Variants in PCDH7 observed in about 807,000 individuals in gnomAD.
The protein encoded by PCDH7 is protocadherin-7.
PCDH7 carries 17 observed loss-of-function variants against 58.9 expected under a neutral mutation model. The ratio of observed to expected loss-of-function variants is 0.29; its 90% confidence interval spans 0.20 to 0.43. The LOEUF is 0.43. PCDH7 is among the 20% of genes least tolerant of loss of function. The pLI is 1.00. For missense variants in PCDH7, 1,274 were observed against 1,441.0 expected (o/e 0.88, Z 1.88); for synonymous variants, 664 against 616.4 (o/e 1.08, Z -1.14).
chr4:30,958,907 A>G (rs930448772), intron 3 of PCDH7, among the ~76,000 whole-genome samples: 3 of 152,140 alleles, frequency 2.0e-5, no homozygotes, highest in Admixed American at 2.0e-4. Context: ...TTTACTTAGT[A>G]GATAATACCA....
intron 3 of PCDH7, among the ~76,000 whole-genome samples, chr4:31,087,148 T>C (rs1483253334): frequency 6.6e-6 from 1 of 152,136 alleles, no homozygotes; most frequent in African/African-American, 2.4e-5. Flanking sequence ...ACGATGGTGG[T>C]AGTAAATAAA....
At chr4:31,015,730 C>T (rs1296222319) in intron 3 of PCDH7, among the ~76,000 whole-genome samples, 4 of 152,094 alleles carry the variant, frequency 2.6e-5, no homozygotes, top group Non-Finnish European at 4.4e-5. Flanking sequence ...AACTTTATAT[C>T]ATAAAGTCTC....
chr4:30,912,857 T>C (rs1274777925), intron 1 of PCDH7, among the ~76,000 whole-genome samples: 1 of 152,218 alleles, frequency 6.6e-6, no homozygotes, highest in Non-Finnish European at 1.5e-5. Flanking sequence ...ACTGTAACTA[T>C]TGTGTACAGG....
rs1257058262 is a variant in PCDH7 at position 30,822,175 on chromosome 4, G to A, written c.70+97579G>A. Among the ~76,000 whole-genome samples the A allele has an allele frequency of 1.4e-4, 22 of 152,188 alleles. No homozygotes were observed. The East Asian group carries it at 4.3e-3, about 29-fold the overall frequency. ...TCCTTGATAGTGAGGTCATGAGAGTGCCCTCCCATCCTAAGCAAATTCATT... is the reference window on the plus strand; with the variant it reads ...TCCTTGATAGTGAGGTCATGAGAGTACCCTCCCATCCTAAGCAAATTCATT... On this transcript the variant is annotated intron_variant, in intron 1 of 3. Transcript: ENST00000509759.
chr4:31,090,444 T>TA (rs1713086075), intron 3 of PCDH7, among the ~76,000 whole-genome samples: 1 of 152,052 alleles, frequency 6.6e-6, no homozygotes, highest in South Asian at 2.1e-4. Flanking sequence ...TTAGTTATTT[T>TA]AAAATGTTCA....
At chr4:30,839,385 T>C (rs1730925061) in intron 1 of PCDH7, among the ~76,000 whole-genome samples, 1 of 152,140 alleles carries the variant, frequency 6.6e-6, no homozygotes, top group South Asian at 2.1e-4. Context: ...ATATAGCTAT[T>C]GTGTGTAAGC....
chr4:31,082,524 G>T (rs1711627580), intron 3 of PCDH7, among the ~76,000 whole-genome samples: 1 of 152,144 alleles, frequency 6.6e-6, no homozygotes, highest in East Asian at 1.9e-4. Context: ...AGGACAGTTG[G>T]AAATACTGGT....
In PCDH7 at chr4:30,722,999, G is replaced by A; in HGVS notation, c.1577G>A (p.Gly526Glu). Residue 526 changes from glycine to glutamate, a missense_variant, in exon 1 of 2, where the codon GGA (glycine) becomes GAA (glutamate). Gly to Glu is a moderately conservative substitution (Grantham distance 98). Around this residue, in one of 3 missense-constraint regions of PCDH7, gnomAD observed 731 missense variants for 881.9 expected, o/e 0.83. Transcript: ENST00000361762. This position sits in a 1 kb window ranked among gnomAD's most constrained non-coding sequence, Gnocchi z 7.6. ...AACAACTCCCTGATTGTCAAGGTGG[G>A]AGACACCAACGACAACCCGCCCATG... 6.2e-7 allele frequency: 1 copy of A among 1,613,842 alleles called. No individual in the cohort carries two copies. The highest frequency in any genetic ancestry group is 8.5e-7 in the Non-Finnish European group (1 of 1,180,042).
intron 3 of PCDH7, among the ~76,000 whole-genome samples, chr4:30,966,938 A>T (rs890410152): frequency 6.6e-6 from 1 of 152,144 alleles, no homozygotes; most frequent in African/African-American, 2.4e-5. Context: ...AAATTAAGCA[A>T]TGCATCAACT....
chr4:30,768,528 C>T (rs1029721839), intron 1 of PCDH7, among the ~76,000 whole-genome samples: 5 of 152,126 alleles, frequency 3.3e-5, no homozygotes, highest in African/African-American at 1.2e-4. Flanking sequence ...TGAGATTAAC[C>T]CCCTGTGATT....
chr4:31,132,590 A>G (rs905256010), intron 3 of PCDH7, among the ~76,000 whole-genome samples: 2 of 152,144 alleles, frequency 1.3e-5, no homozygotes, highest in African/African-American at 4.8e-5. Context: ...ATAATTTGAG[A>G]CCATTAAAAT....
intron 3 of PCDH7, among the ~76,000 whole-genome samples, chr4:31,012,234 C>G (rs1198716942): frequency 6.6e-6 from 1 of 151,912 alleles, no homozygotes; most frequent in Non-Finnish European, 1.5e-5. Flanking sequence ...GTCAGTACAC[C>G]GAAACAAACC....
chr4:31,097,690 A>G (rs1192100322), intron 3 of PCDH7, among the ~76,000 whole-genome samples: 1 of 130,330 alleles, frequency 7.7e-6, no homozygotes, highest in Non-Finnish European at 1.6e-5. Context: ...TATCAATTTT[A>G]TGTTGTTGTT....
At chr4:31,089,311 G>T (rs893753939) in intron 3 of PCDH7, among the ~76,000 whole-genome samples, 8 of 151,988 alleles carry the variant, frequency 5.3e-5, no homozygotes, top group Non-Finnish European at 8.8e-5. Context: ...AAAAGAATTT[G>T]TAATAAATAC....
downstream of PCDH7, chr4:31,144,335 T>G (rs1418579041): frequency 6.6e-6 from 1 of 152,182 alleles, no homozygotes; most frequent in Non-Finnish European, 1.5e-5. Context: ...ATCTCAAAGG[T>G]GAAAGCAGAG....
At chr4:31,144,109 G>T (rs1038504183), downstream of PCDH7, 3 of 152,252 alleles carry the variant, frequency 2.0e-5, no homozygotes, top group East Asian at 3.9e-4. Flanking sequence ...AATTACAATT[G>T]CATTTTTTAC....
chr4:30,761,330 T>C (rs1464124271), intron 1 of PCDH7, among the ~76,000 whole-genome samples: 1 of 152,204 alleles, frequency 6.6e-6, no homozygotes, highest in Admixed American at 6.5e-5. Context: ...ATGAAAATAC[T>C]CTAGAGTAGC....
At chr4:30,745,657 A>G (rs1395380787) in intron 1 of PCDH7, among the ~76,000 whole-genome samples, 12 of 151,862 alleles carry the variant, frequency 7.9e-5, no homozygotes, top group Admixed American at 7.9e-4. Flanking sequence ...TCCCTGCATG[A>G]AGTCTTTTAA....
intron 1 of PCDH7, among the ~76,000 whole-genome samples, chr4:30,787,070 G>A (rs1349482611): frequency 6.6e-6 from 1 of 152,006 alleles, no homozygotes; most frequent in African/African-American, 2.4e-5. Context: ...CAATTACTGT[G>A]GGGAAACAGA....
Sources: allele counts gnomAD v4.1 joint callset (sites outside exome capture counted in the v4.1 genomes callset), GRCh38; gene constraint gnomAD v4.1.1; regional missense constraint gnomAD v4.1.1; non-coding constraint Gnocchi (gnomAD v3.1); transcripts MANE v1.5; gene names NCBI Gene and HGNC (gene_info 2026-07-23, HGNC 2026-07-21).